The following DPP4 variants were observed in gnomAD, a reference collection of about 807,000 sequenced individuals.
DPP4 encodes the protein ADCP-2.
In DPP4, 93 loss-of-function variants were observed where a neutral mutation model predicts 122.4. The observed-to-expected ratio is 0.76, with a 90% CI of 0.64 to 0.90. The LOEUF is 0.90. Ranked by LOEUF, DPP4 falls within the 40% of genes least tolerant of loss-of-function variation. The probability of loss-of-function intolerance (pLI) is 0.00; values close to 1 mark genes in which losing one functional copy is unlikely to be tolerated. For missense variants in DPP4, 914 were observed against 907.3 expected, an observed-to-expected ratio of 1.01 and a Z score of -0.09; for synonymous variants, 321 against 302.9, an observed-to-expected ratio of 1.06 and a Z score of -0.62.
intron 2 of DPP4, among the ~76,000 whole-genome samples, chr2:162,056,285 G>A (rs1202674720): frequency 1.3e-5 from 2 of 152,112 alleles, no homozygotes; most frequent in South Asian, 2.1e-4. Context: ...GTTTCATTCT[G>A]TTTACTATTA....
chr2:162,065,159 G>A (rs1217743551), intron 2 of DPP4, among the ~76,000 whole-genome samples: 2 of 152,206 alleles, frequency 1.3e-5, no homozygotes, highest in East Asian at 1.9e-4. Context: ...CCTTGCCGGT[G>A]ATTGGTTTGG....
intron 23 of DPP4, among the ~76,000 whole-genome samples, chr2:162,000,432 A>G (rs1170623146): frequency 6.6e-6 from 1 of 152,150 alleles, no homozygotes; most frequent in Non-Finnish European, 1.5e-5. Flanking sequence ...ACCAAGCAAC[A>G]CTGGCTTCTT....
At chr2:162,069,788 C>G (rs560564266) in intron 2 of DPP4, among the ~76,000 whole-genome samples, 1 of 152,296 alleles carries the variant, frequency 6.6e-6, no homozygotes, top group South Asian at 2.1e-4. Context: ...TCTTTTCTCT[C>G]TGATTATTCC....
chr2:162,068,873 T>C (rs116041626), intron 2 of DPP4, among the ~76,000 whole-genome samples: 2,656 of 152,168 alleles, frequency 0.017, 39 homozygotes, highest in South Asian at 0.038. Context: ...GAAATTATAA[T>C]ATAATTCCCA....
chr2:162,011,837 TCTGTTGATTGCATGCATGATCTTATCTC>T lies in DPP4; in HGVS notation c.1760_1787del (p.Gly587GlufsTer40). On this transcript the variant is annotated frameshift_variant, in exon 20 of 26. Transcript: ENST00000360534. LOFTEE classifies it high-confidence loss of function. ...CTTCAACTTCAAATGTTCCCAGTCT[TCTGTTGATTGCATGCATGATCTTATCTC>T]CTTGGTAACCACTTCCTCTGCCATC... 2 of 1,613,706 alleles carry T rather than the reference TCTGTTGATTGCATGCATGATCTTATCTC, an allele frequency of 1.2e-6. No homozygotes were observed. Among genetic ancestry groups the T allele is most frequent in the Non-Finnish European group, 1.7e-6 (2 of 1,179,720 alleles).
chr2:162,073,430 G>A lies in DPP4; in HGVS notation c.63C>T (p.Ile21=). ...TGTTCAGCAGAACCACGGGCACGGT[G>A]ATGATGGTGACAAGCGCAGCAGCAC... ...LLGAAALVTI[I]TVPVVLLNKG... Residue 21 remains isoleucine, a synonymous_variant, in exon 2 of 26, where the codon ATC becomes ATT. Transcript: ENST00000360534. 6.2e-7 allele frequency: 1 copy of A among 1,614,118 alleles called. No homozygotes were observed. The highest frequency in any genetic ancestry group is 8.5e-7 in the Non-Finnish European group (1 of 1,180,034).
intron 12 of DPP4, among the ~76,000 whole-genome samples, chr2:162,021,802 A>G (rs927833615): frequency 6.6e-6 from 1 of 152,114 alleles, no homozygotes; most frequent in African/African-American, 2.4e-5. Context: ...TATTTTTTTC[A>G]AAGAGTCGTG....
rs773950501 is a variant in DPP4, at chr2:162,016,846, T to C, written c.1489A>G (p.Asn497Asp). 5 of 1,612,220 alleles carry C rather than the reference T, an allele frequency of 3.1e-6. No homozygotes were observed. The African/African-American group carries it at 6.7e-5, about 22-fold the overall frequency. ...TGCAGCATTTTATCCAAAGCTGAAT[T>C]GTCTTCCAGGACTCTCAGCCCTAAA... The part of the protein sequence containing the change: ...NDKGLRVLED[N>D]SALDKMLQNV... The change falls in exon 18 of 26, where the codon AAT becomes GAT. Residue 497 changes from asparagine (N) to aspartate (D), a missense_variant. Asn to Asp is a conservative substitution (Grantham distance 23). Transcript: ENST00000360534.
chr2:162,007,582 A>C (rs1701315026), intron 22 of DPP4, among the ~76,000 whole-genome samples: 1 of 152,136 alleles, frequency 6.6e-6, no homozygotes, highest in Non-Finnish European at 1.5e-5. Flanking sequence ...CATTAAATGA[A>C]GTTTTCTTCT....
chr2:162,061,126 C>T (rs1236704987), intron 2 of DPP4, among the ~76,000 whole-genome samples: 1 of 151,876 alleles, frequency 6.6e-6, no homozygotes, highest in African/African-American at 2.4e-5. Context: ...AAGCCTTGAA[C>T]GAACTCCTGG....
intron 11 of DPP4, among the ~76,000 whole-genome samples, chr2:162,024,460 T>C (rs1683246372): frequency 6.6e-6 from 1 of 152,246 alleles, no homozygotes; most frequent in Admixed American, 6.5e-5. Flanking sequence ...ATTATCTTTA[T>C]TAAAACACAC....
chr2:162,008,023 T>G lies in DPP4; in HGVS notation c.1987+539A>C, dbSNP rs185381672. On this transcript the variant is annotated intron_variant, in intron 22 of 25. Transcript: ENST00000360534. ...CGCTTACTCCCTCCCCTTTGAGAAT[T>G]GTAGTCTTAGAGGTAGGTGTATGAT... 4.0e-3 allele frequency among the ~76,000 whole-genome samples: 616 copies of G among 152,134 alleles called. 2 individuals are homozygous for G. The highest frequency in any genetic ancestry group is 0.014 in the African/African-American group (588 of 41,498).
At chr2:162,012,173 T>C (rs1293633942) in intron 19 of DPP4, among the ~76,000 whole-genome samples, 186 bp from the exon 20 acceptor site, 11 of 152,132 alleles carry the variant, frequency 7.2e-5, no homozygotes, top group Admixed American at 7.2e-4. Flanking sequence ...GGTTGTATAT[T>C]TCCTTCAAAG....
intron 22 of DPP4, among the ~76,000 whole-genome samples, chr2:162,007,143 T>C (rs943581402): frequency 7.2e-5 from 11 of 152,088 alleles, no homozygotes; most frequent in Admixed American, 5.2e-4. Flanking sequence ...AGGACACTAA[T>C]ATAAAAATAG....
rs924591527 is a variant in DPP4 at position 162,073,274 on chromosome 2, TTCTCAGC to T, written c.94+118_94+124del. ...AAGCAGCAACAACAACTGGGAAGCCTTCTCAGCTACACTTCGGGGCACTGGTCCAACC... is the reference window on the plus strand; with the variant it reads ...AAGCAGCAACAACAACTGGGAAGCCTTACACTTCGGGGCACTGGTCCAACC... On this transcript the variant is annotated intron_variant, in intron 2 of 25. Transcript: ENST00000360534. The T allele has an allele frequency of 1.2e-5, 11 of 896,070 alleles. No individual in the cohort carries two copies. In the African/African-American group the frequency reaches 1.8e-4, roughly 15 times the overall value. The allele number at this position is 896,070 out of a possible 1,614,324, so 55.5% of individuals were successfully genotyped here.
At chr2:162,003,107 A>T (rs1701192835) in intron 23 of DPP4, among the ~76,000 whole-genome samples, 1 of 152,176 alleles carries the variant, frequency 6.6e-6, no homozygotes, top group Non-Finnish European at 1.5e-5. Context: ...GTGCCAAGAA[A>T]ACCCGACTCC....
Position 161,992,273 on chromosome 2 carries a change from A to C in DPP4, c.*1010T>G, listed in dbSNP as rs375095819. 2.6e-5 allele frequency: 4 copies of C among 152,382 alleles called. No homozygotes were observed. The East Asian group carries it at 7.7e-4, about 29-fold the overall frequency. The allele number at this position is 152,382 out of a possible 1,614,324, so 9.4% of individuals were successfully genotyped here. ...TGAAAAAATGAAGGCACATTTATTA[A>C]ATGACTGGGAGAAATTCCATAGTAT... On this transcript the variant is annotated 3_prime_UTR_variant, in exon 26 of 26. Transcript: ENST00000360534.
chr2:162,004,154 A>G (rs570618207), intron 23 of DPP4, among the ~76,000 whole-genome samples: 9 of 152,308 alleles, frequency 5.9e-5, no homozygotes, highest in Middle Eastern at 3.4e-3. Flanking sequence ...ACACCTGGGT[A>G]AAGAGTGAGG....
intron 4 of DPP4, among the ~76,000 whole-genome samples, chr2:162,046,527 G>C (rs1684177790): frequency 6.6e-6 from 1 of 152,164 alleles, no homozygotes; most frequent in African/African-American, 2.4e-5. Context: ...GGAACCAGCA[G>C]GCTACTAGAA....
Sources: allele counts gnomAD v4.1 joint callset (sites outside exome capture counted in the v4.1 genomes callset), GRCh38; gene constraint gnomAD v4.1.1; transcripts MANE v1.5; gene names NCBI Gene and HGNC (gene_info 2026-07-23, HGNC 2026-07-21).